Variants in SEPTIN4 observed in about 807,000 individuals in gnomAD.
SEPTIN4 encodes septin-4.
In SEPTIN4, 52 loss-of-function variants were observed where a neutral mutation model predicts 107.1. The ratio of observed to expected loss-of-function variants is 0.49; its 90% confidence interval spans 0.39 to 0.61. The LOEUF (loss-of-function observed/expected upper bound fraction) is 0.61. Among genes scored for constraint, SEPTIN4 ranks in the 20% least tolerant of loss-of-function variants. The pLI is 0.00. For missense variants in SEPTIN4, 1,048 were observed against 1,243.5 expected (o/e 0.84, Z 2.36); for synonymous variants, 417 against 467.0 (o/e 0.89, Z 1.38).
In SEPTIN4 at chr17:58,538,878, C is replaced by T. The variant is rs893969463; in HGVS notation, c.1614+1788G>A. Among the ~76,000 whole-genome samples the T allele has an allele frequency of 2.0e-5, 3 of 152,230 alleles. No homozygotes were observed. Among genetic ancestry groups the T allele is most frequent in the Non-Finnish European group, 4.4e-5 (3 of 68,034 alleles). ...GCTCAACAACAAACATGATGCCTTC[C>T]ACAAGCCAGGCATCGTGGCCAGGCC... is the stretch of plus-strand genomic sequence containing the variant. On this transcript the variant is annotated intron_variant, in intron 3 of 13. Coordinates refer to ENST00000672673, the MANE Select transcript of SEPTIN4 (RefSeq NM_001368771.2). This position sits in a 1 kb window ranked among gnomAD's most constrained non-coding sequence, Gnocchi z 4.7.
Position 58,544,195 on chromosome 17 carries a change from T to C in SEPTIN4, c.-9A>G, listed in dbSNP as rs1383151425. On this transcript the variant is annotated 5_prime_UTR_variant, in exon 1 of 14. Coordinates refer to ENST00000672673, the MANE Select transcript of SEPTIN4 (RefSeq NM_001368771.2). ...TTATTTGTCTTGACCATCTGATAGA[T>C]TGTGCCCTTCTGAGTAGATCCCGTA... 6.2e-7 allele frequency: 1 copy of C among 1,604,052 alleles called. No individual in the cohort carries two copies. The highest frequency in any genetic ancestry group is 2.2e-5 in the East Asian group (1 of 44,796).
intron 3 of SEPTIN4, among the ~76,000 whole-genome samples, chr17:58,536,846 C>T (rs749742278): frequency 6.6e-6 from 1 of 152,208 alleles, no homozygotes; most frequent in South Asian, 2.1e-4. Context: ...CAGGGTGGCT[C>T]CTGGGTTACA....
At chr17:58,529,520 C>A (rs1445286736) in intron 3 of SEPTIN4, 7 of 753,806 alleles carry the variant, frequency 9.3e-6, no homozygotes, top group African/African-American at 1.9e-5. Flanking sequence ...CAGCACCAAC[C>A]TCCCAATGTC....
At chr17:58,520,646 A>G in intron 13 of SEPTIN4, 97 bp downstream of exon 13, 2 of 1,553,768 alleles carry the variant, frequency 1.3e-6, no homozygotes, top group Non-Finnish European at 1.8e-6. Context: ...GGACCCAAAT[A>G]TGCACCAGAG....
Position 58,543,368 on chromosome 17 carries a change from G to A in SEPTIN4, c.819C>T (p.Leu273=), listed in dbSNP as rs1251521349. 1 of 1,614,168 alleles carries A rather than the reference G, an allele frequency of 6.2e-7. No homozygotes were observed. The highest frequency in any genetic ancestry group is 1.3e-5 in the African/African-American group (1 of 75,050). ...LYRNMNLDSL[L]KLSVLKDSDG... is the part of the protein sequence containing the mutation. ...CAGAATCTTTAAGGACAGAGAGTTT[G>A]AGCAATGAGTCCAAGTTCATATTCC... The change falls in exon 1 of 14, where the codon CTC becomes CTT. Residue 273 remains leucine, a synonymous_variant. Coordinates refer to ENST00000672673, the MANE Select transcript of SEPTIN4 (RefSeq NM_001368771.2).
rs1336238564 is a variant in SEPTIN4 at position 58,541,910 on chromosome 17, A to G, written c.1606+12T>C. 6.2e-7 allele frequency: 1 copy of G among 1,614,052 alleles called. No individual in the cohort carries two copies. On this transcript the variant is annotated intron_variant, in intron 2 of 13. Coordinates refer to ENST00000672673, the MANE Select transcript of SEPTIN4 (RefSeq NM_001368771.2). ...CTCCCACAGTGGGCCCATAGGAGGG[A>G]AAAGCACAGACCTTTTAGCCACCAG...
intron 3 of SEPTIN4, chr17:58,529,428 G>C (rs1042119790): frequency 7.9e-6 from 11 of 1,387,244 alleles, no homozygotes; most frequent in Admixed American, 3.0e-5. Flanking sequence ...AGCTGCAGCA[G>C]GATCACTTGG....
chr17:58,521,642 C>G lies in SEPTIN4; in HGVS notation c.2474G>C (p.Arg825Pro). Residue 825 changes from arginine to proline, a missense_variant, in exon 10 of 14, where the codon CGG becomes CCG. Physicochemically the swap from Arg to Pro is moderately radical, Grantham distance 103. This residue lies in a region of SEPTIN4 where 261 missense variants were observed against 371.7 expected (regional missense o/e 0.70). Transcript: ENST00000672673. This position sits in a 1 kb window ranked among gnomAD's most constrained non-coding sequence, Gnocchi z 6.4. ...PEVDHKKRKI[R>P]EEIEHFGIKI... ...GATTCCAAAATGCTCAATCTCCTCC[C>G]GGATCTGACAAACAGATGAGGGGCC... The G allele has an allele frequency of 6.2e-7, 1 of 1,614,204 alleles. No individual in the cohort carries two copies.
chr17:58,525,309 C>T (rs1195394788), intron 6 of SEPTIN4, 108 bp from the exon 7 acceptor site: 2 of 1,342,424 alleles, frequency 1.5e-6, no homozygotes, highest in Non-Finnish European at 1.0e-6. Flanking sequence ...ATCCACACTG[C>T]CCCCTTCTCC....
chr17:58,538,963 G>T lies in SEPTIN4; in HGVS notation c.1614+1703C>A, dbSNP rs952486716. 1 of 505,108 alleles carries T rather than the reference G, an allele frequency of 2.0e-6. No individual in the cohort carries two copies. Among genetic ancestry groups the T allele is most frequent in the Non-Finnish European group, 3.5e-6 (1 of 285,966 alleles). 31.3% of individuals were successfully genotyped at this position (505,108 alleles called of 1,614,324 possible). A position where few individuals can be genotyped will look rare whatever the true frequency, so the allele number is the denominator to read the frequency against. ...CAGACTCTATGGTCAACCATTCCCA[G>T]ATCAGAGGAATCAGAGGCCTTGGAC... On this transcript the variant is annotated intron_variant, in intron 3 of 13. Transcript: ENST00000672673. This position sits in a 1 kb window ranked among gnomAD's most constrained non-coding sequence, Gnocchi z 4.7.
intron 3 of SEPTIN4, chr17:58,531,840 G>T (rs2043492172): frequency 5.3e-6 from 5 of 948,180 alleles, no homozygotes; most frequent in African/African-American, 1.8e-5. Context: ...CGGCGACGGC[G>T]CCTCCCACCC....
Position 58,542,646 on chromosome 17 carries a change from C to A in SEPTIN4, c.1541G>T (p.Arg514Met). 6.2e-7 allele frequency: 1 copy of A among 1,613,038 alleles called. No homozygotes were observed. The highest frequency in any genetic ancestry group is 8.5e-7 in the Non-Finnish European group (1 of 1,179,566). ...PKHTCKQPIQ[R>M]FTAFFLDVSE... ...CATACCCAGGAAGAAAGCAGTAAAC[C>A]TTTGAATGGGTTGTTTGCAGGTGTG... Residue 514 changes from arginine to methionine, a missense_variant, in exon 1 of 14, where the codon AGG (arginine) becomes ATG (methionine). This residue lies in a region of SEPTIN4 where 787 missense variants were observed against 871.8 expected (regional missense o/e 0.90). Transcript: ENST00000672673.
At position 58,544,059 on chromosome 17, in the gene SEPTIN4, G is replaced by C. The variant is rs764966538; in HGVS notation, c.128C>G (p.Ala43Gly). Residue 43 changes from alanine (A) to glycine (G), a missense_variant, in exon 1 of 14, where the codon GCA (alanine) becomes GGA (glycine). Transcript: ENST00000672673. The part of the protein sequence containing the change: ...YVLASSHRSA[A>G]VSLNPSHRRS... The stretch of plus-strand genomic sequence containing the variant: ...TCGGTGGGAAGGGTTCAGGGAGACT[G>C]CAGCACTTCGATGGCTTGAGGCAAG... The C allele has an allele frequency of 6.2e-7, 1 of 1,614,020 alleles. No individual in the cohort carries two copies. The highest frequency in any genetic ancestry group is 1.3e-5 in the African/African-American group (1 of 74,890).
rs1173723089 is a variant in SEPTIN4 at position 58,543,801 on chromosome 17, T to C, written c.386A>G (p.Glu129Gly). The C allele has an allele frequency of 6.2e-7, 1 of 1,614,080 alleles. No individual in the cohort carries two copies. Among genetic ancestry groups the C allele is most frequent in the Admixed American group, 1.7e-5 (1 of 60,004 alleles). ...RQWKVSPPREEAARRGSESKS... is the reference protein window; with the variant it reads ...RQWKVSPPREGAARRGSESKS... ...GCTCTCACTGCCTCTTCGTGCTGCTTCCTCTCTGGGTGGACTAACTTTCCA... is the reference window on the plus strand; with the variant it reads ...GCTCTCACTGCCTCTTCGTGCTGCTCCCTCTCTGGGTGGACTAACTTTCCA... The change falls in exon 1 of 14, where the codon GAA becomes GGA. Residue 129 changes from glutamate to glycine, a missense_variant. By Grantham distance (98) the Glu-to-Gly change is moderately conservative (BLOSUM62 -2). Coordinates refer to ENST00000672673, the MANE Select transcript of SEPTIN4 (RefSeq NM_001368771.2).
Position 58,526,302 on chromosome 17 carries a change from C to A in SEPTIN4, c.1923G>T (p.Glu641Asp). The A allele has an allele frequency of 2.5e-6, 4 of 1,593,280 alleles. No homozygotes were observed. The highest frequency in any genetic ancestry group is 3.4e-6 in the Non-Finnish European group (4 of 1,169,888). ...DPYDSSEDDK[E>D]YVGFATLPNQ... ...TGGGGAGGGTTGCAAAGCCCACATA[C>A]TCCTTGTCATCCTAGTAGACAGGAA... Residue 641 changes from glutamate to aspartate, a missense_variant, in exon 5 of 14, where the codon GAG becomes GAT. By Grantham distance (45) the Glu-to-Asp change is conservative. Transcript: ENST00000672673.
Position 58,525,086 on chromosome 17 carries a change from G to C in SEPTIN4, c.2208C>G (p.Asn736Lys). 1 of 1,614,194 alleles carries C rather than the reference G, an allele frequency of 6.2e-7. No homozygotes were observed. The highest frequency in any genetic ancestry group is 8.5e-7 in the Non-Finnish European group (1 of 1,180,026). ...DTPGFGDAVN[N>K]TECWKPVAEY... is the part of the protein sequence containing the mutation. Reference sequence around the variant, plus strand: ...TGCTTACTCAGACATACCACTCTGTGTTGTTGACTGCATCCCCAAAACCTG... The same window carrying C: ...TGCTTACTCAGACATACCACTCTGTCTTGTTGACTGCATCCCCAAAACCTG... The change falls in exon 7 of 14, where the codon AAC (asparagine) becomes AAG (lysine). Residue 736 changes from asparagine to lysine, a missense_variant. Asn to Lys is a moderately conservative substitution (Grantham distance 94, BLOSUM62 0). Around this residue, in one of 2 missense-constraint regions of SEPTIN4, gnomAD observed 261 missense variants for 371.7 expected, o/e 0.70. Coordinates refer to ENST00000672673, the MANE Select transcript of SEPTIN4 (RefSeq NM_001368771.2).
chr17:58,543,546 C>A lies in SEPTIN4; in HGVS notation c.641G>T (p.Ser214Ile). The change falls in exon 1 of 14, where the codon AGT (serine) becomes ATT (isoleucine). Residue 214 changes from serine to isoleucine, a missense_variant. Physicochemically the swap from Ser to Ile is moderately radical, Grantham distance 142 (BLOSUM62 -2). Transcript: ENST00000672673. Reference protein sequence around the residue: ...TEPIQRITTTSEIRSPRSPSL... With the variant: ...TEPIQRITTTIEIRSPRSPSL... ...GGGACTCCTTGGAGATCTGATCTCACTAGTAGTCGTAATTCTTTGGATGGG... is the reference window on the plus strand; with the variant it reads ...GGGACTCCTTGGAGATCTGATCTCAATAGTAGTCGTAATTCTTTGGATGGG... The A allele has an allele frequency of 6.2e-7, 1 of 1,614,186 alleles. No individual in the cohort carries two copies. The highest frequency in any genetic ancestry group is 8.5e-7 in the Non-Finnish European group (1 of 1,180,030).
chr17:58,527,627 G>A (rs2043066899), intron 3 of SEPTIN4: 1 of 161,776 alleles, frequency 6.2e-6, no homozygotes, highest in Non-Finnish European at 1.3e-5. Context: ...CAGACACTGA[G>A]CCACACCCAA....
At chr17:58,528,816 C>T (rs1254474135) in intron 3 of SEPTIN4, among the ~76,000 whole-genome samples, 1 of 152,094 alleles carries the variant, frequency 6.6e-6, no homozygotes, top group African/African-American at 2.4e-5. Flanking sequence ...AGTGGAGGGG[C>T]AGGGAAGGGA....
Sources: allele counts gnomAD v4.1 joint callset (sites outside exome capture counted in the v4.1 genomes callset), GRCh38; gene constraint gnomAD v4.1.1; regional missense constraint gnomAD v4.1.1; non-coding constraint Gnocchi (gnomAD v3.1); transcripts MANE v1.5; gene names NCBI Gene and HGNC (gene_info 2026-07-23, HGNC 2026-07-21).